Variants in RCAN3 observed in about 807,000 individuals in gnomAD.
RCAN3 encodes calcipressin-3.
Under a neutral mutation model 21.9 loss-of-function variants are expected in RCAN3, and 19 were observed. That is an observed-to-expected ratio of 0.87 (90% CI 0.61 to 1.27). The LOEUF (loss-of-function observed/expected upper bound fraction) is 1.27, where lower values mean the gene tolerates loss of function less well. RCAN3 is among the 50% of genes most tolerant of loss of function. The pLI, the probability that RCAN3 is intolerant of heterozygous loss-of-function variation, is 0.00. For missense variants in RCAN3, 240 were observed against 300.1 expected (o/e 0.80, Z 1.48); for synonymous variants, 114 against 112.3 (o/e 1.01, Z -0.09).
At chr1:24,514,647 C>A in intron 2 of RCAN3, 80 bp downstream of exon 2, 4 of 1,365,788 alleles carry the variant, frequency 2.9e-6, no homozygotes, top group African/African-American at 1.4e-5. Context: ...CTTGACTGGT[C>A]CCTGACAAAT....
At position 24,533,071 on chromosome 1, in the gene RCAN3, C is replaced by G. The variant is rs565033977; in HGVS notation, c.370-12C>G. ...GTTTGCAAACTGGCTTTGAGCGTCT[C>G]GCTCCCTGCAGGTGCAGATGTCCGG... On this transcript the variant is annotated splice_polypyrimidine_tract_variant and intron_variant, in intron 3 of 4. Transcript: ENST00000374395. 2 of 1,417,178 alleles carry G rather than the reference C, an allele frequency of 1.4e-6. No homozygotes were observed. The highest frequency in any genetic ancestry group is 1.8e-5 in the South Asian group (1 of 56,390). 87.8% of individuals were successfully genotyped at this position (1,417,178 alleles called of 1,614,324 possible).
At position 24,535,225 on chromosome 1, in the gene RCAN3, A is replaced by G; in HGVS notation, c.674A>G (p.Asp225Gly). ...AAAATTGCCCAGACGAGGCGCCCCG[A>G]CCCTCCGACCGCAGCGTTGAATGAG... ...KQKIAQTRRP[D>G]PPTAALNEPQ... The change falls in exon 5 of 5, where the codon GAC (aspartate) becomes GGC (glycine). Residue 225 changes from aspartate to glycine, a missense_variant. By Grantham distance (94) the Asp-to-Gly change is moderately conservative (BLOSUM62 -1). Coordinates refer to ENST00000374395, the MANE Select transcript of RCAN3 (RefSeq NM_013441.4). 1 of 1,582,976 alleles carries G rather than the reference A, an allele frequency of 6.3e-7. No individual in the cohort carries two copies. The highest frequency in any genetic ancestry group is 8.5e-7 in the Non-Finnish European group (1 of 1,169,600).
At position 24,538,238 on chromosome 1, in the gene RCAN3, A is replaced by G. The variant is rs1372503921; in HGVS notation, c.*2961A>G. The stretch of plus-strand genomic sequence containing the variant: ...GATAGCAACAGTTCCATTGCCTTCG[A>G]GAACTAAAACTCAGCTGGAAAGCAA... On this transcript the variant is annotated 3_prime_UTR_variant, in exon 5 of 5. Coordinates refer to ENST00000374395, the MANE Select transcript of RCAN3 (RefSeq NM_013441.4). 6.6e-6 allele frequency: 1 copy of G among 152,240 alleles called. No homozygotes were observed. The highest frequency in any genetic ancestry group is 1.5e-5 in the Non-Finnish European group (1 of 68,046). The allele number at this position is 152,240 out of a possible 1,614,324, so 9.4% of individuals were successfully genotyped here. A position where few individuals can be genotyped will look rare whatever the true frequency, so the allele number is the denominator to read the frequency against.
chr1:24,530,356 C>CAAAAATAAAAAA (rs1649655158), intron 2 of RCAN3, among the ~76,000 whole-genome samples: 1 of 81,518 alleles, frequency 1.2e-5, no homozygotes. Flanking sequence ...CTCTTATCTC[C>CAAAAATAAAAAA]AAAAAAAAAA....
At chr1:24,529,115 GTATT>G (rs1271311042) in intron 2 of RCAN3, among the ~76,000 whole-genome samples, 1 of 152,180 alleles carries the variant, frequency 6.6e-6, no homozygotes, top group Non-Finnish European at 1.5e-5. Flanking sequence ...AAATTAGAGA[GTATT>G]TAGAATCAAC....
In RCAN3 at chr1:24,531,342, T is replaced by A; in HGVS notation, c.320T>A (p.Leu107His). Residue 107 changes from leucine (L) to histidine (H), a missense_variant, in exon 3 of 5, where the codon CTC (leucine) becomes CAC (histidine). Coordinates refer to ENST00000374395, the MANE Select transcript of RCAN3 (RefSeq NM_013441.4). ...GCGGCAGCAAGAGCGCGAATAGAACTCCACGAAACAGACTTCAATGGGCAG... is the reference window on the plus strand; with the variant it reads ...GCGGCAGCAAGAGCGCGAATAGAACACCACGAAACAGACTTCAATGGGCAG... ...PEAAARARIELHETDFNGQKL... is the reference protein window; with the variant it reads ...PEAAARARIEHHETDFNGQKL... 3 of 1,613,824 alleles carry A rather than the reference T, an allele frequency of 1.9e-6. No homozygotes were observed. Among genetic ancestry groups the A allele is most frequent in the Non-Finnish European group, 2.5e-6 (3 of 1,179,868 alleles).
rs1054793091 is a variant in RCAN3, at chr1:24,536,465, C to G, written c.*1188C>G. 6.6e-6 allele frequency: 1 copy of G among 152,262 alleles called. No individual in the cohort carries two copies. The highest frequency in any genetic ancestry group is 1.9e-4 in the East Asian group (1 of 5,188). 9.4% of individuals were successfully genotyped at this position (152,262 alleles called of 1,614,324 possible). A position where few individuals can be genotyped will look rare whatever the true frequency, so the allele number is the denominator to read the frequency against. ...GTGTCAGAATGTACCTTTGAACTTCCCTAAGAAGCAGCAGGATCTTTTTAA... is the reference window on the plus strand; with the variant it reads ...GTGTCAGAATGTACCTTTGAACTTCGCTAAGAAGCAGCAGGATCTTTTTAA... On this transcript the variant is annotated 3_prime_UTR_variant, in exon 5 of 5. Transcript: ENST00000374395.
intron 1 of RCAN3, among the ~76,000 whole-genome samples, chr1:24,505,663 GAA>G (rs919284623): frequency 1.3e-5 from 2 of 151,952 alleles, no homozygotes; most frequent in African/African-American, 4.8e-5. Flanking sequence ...TATAAATACA[GAA>G]AAACCAAGGG....
At chr1:24,513,605 C>T (rs368824108) in intron 1 of RCAN3, among the ~76,000 whole-genome samples, 1 of 151,924 alleles carries the variant, frequency 6.6e-6, no homozygotes, top group Non-Finnish European at 1.5e-5. Flanking sequence ...TGCAGTGAGC[C>T]GGGATCGCGC....
At chr1:24,526,984 A>G (rs1450725808) in intron 2 of RCAN3, among the ~76,000 whole-genome samples, 1 of 152,064 alleles carries the variant, frequency 6.6e-6, no homozygotes, top group Non-Finnish European at 1.5e-5. Flanking sequence ...TTAAGAACTG[A>G]TATGCTACTT....
intron 1 of RCAN3, among the ~76,000 whole-genome samples, chr1:24,504,335 C>T (rs2148888440): frequency 6.6e-6 from 1 of 152,208 alleles, no homozygotes; most frequent in East Asian, 1.9e-4. Context: ...ACTACAGATG[C>T]CGGCTAATTT....
intron 2 of RCAN3, among the ~76,000 whole-genome samples, chr1:24,517,593 T>G (rs1648446557): frequency 6.6e-6 from 1 of 152,176 alleles, no homozygotes; most frequent in African/African-American, 2.4e-5. Context: ...TCAGCGGACT[T>G]CCTAGTAAAT....
chr1:24,513,811 A>G (rs1010388897), intron 1 of RCAN3, among the ~76,000 whole-genome samples: 2 of 152,256 alleles, frequency 1.3e-5, no homozygotes, highest in African/African-American at 2.4e-5. Context: ...AATTCTTTCA[A>G]GTGTATTCAA....
At chr1:24,511,354 G>C (rs1647870012) in intron 1 of RCAN3, among the ~76,000 whole-genome samples, 1 of 152,040 alleles carries the variant, frequency 6.6e-6, no homozygotes, top group Admixed American at 6.6e-5. Context: ...AACATCCACA[G>C]CATGTATTGG....
At chr1:24,509,018 G>A (rs1200263467) in intron 1 of RCAN3, among the ~76,000 whole-genome samples, 2 of 151,874 alleles carry the variant, frequency 1.3e-5, no homozygotes, top group African/African-American at 4.8e-5. Flanking sequence ...AAAATTAACC[G>A]GACATGGTGG....
At chr1:24,508,225 A>G (rs947716934) in intron 1 of RCAN3, among the ~76,000 whole-genome samples, 3 of 152,258 alleles carry the variant, frequency 2.0e-5, no homozygotes, top group African/African-American at 4.8e-5. Context: ...TTTTCAGGGT[A>G]TGTAGGCAGG....
intron 1 of RCAN3, among the ~76,000 whole-genome samples, chr1:24,504,129 A>G (rs1391336786): frequency 2.6e-5 from 4 of 152,208 alleles, no homozygotes; most frequent in African/African-American, 9.6e-5. Flanking sequence ...TTCTTTAGCC[A>G]GGTCATCAGC....
In RCAN3 at chr1:24,531,318, C is replaced by CGGCA. The variant is rs1557578516; in HGVS notation, c.298_301dup (p.Ala101GlyfsTer71). On this transcript the variant is annotated frameshift_variant, in exon 3 of 5. Coordinates refer to ENST00000374395, the MANE Select transcript of RCAN3 (RefSeq NM_013441.4). LOFTEE classifies it high-confidence loss of function. ...AGAATAAATTTCAGCAAACCTGAAG[C>CGGCA]GGCAGCAAGAGCGCGAATAGAACTC... 1 of 1,613,722 alleles carries CGGCA rather than the reference C, an allele frequency of 6.2e-7. No individual in the cohort carries two copies. Among genetic ancestry groups the CGGCA allele is most frequent in the East Asian group, 2.2e-5 (1 of 44,874 alleles).
chr1:24,523,901 A>G (rs1481953027), intron 2 of RCAN3, among the ~76,000 whole-genome samples: 1 of 152,218 alleles, frequency 6.6e-6, no homozygotes, highest in East Asian at 1.9e-4. Flanking sequence ...TAAAACACTA[A>G]TGAAATAAAT....
Sources: allele counts gnomAD v4.1 joint callset (sites outside exome capture counted in the v4.1 genomes callset), GRCh38; gene constraint gnomAD v4.1.1; transcripts MANE v1.5; gene names NCBI Gene and HGNC (gene_info 2026-07-23, HGNC 2026-07-21).